PLEKHA7: variants seen among roughly 807,000 people sequenced by gnomAD.
The protein encoded by PLEKHA7 is pleckstrin homology domain-containing family A member 7.
In PLEKHA7, 104 loss-of-function variants were observed where a neutral mutation model predicts 170.0. That is an observed-to-expected ratio of 0.61 (90% CI 0.52 to 0.72). The LOEUF (loss-of-function observed/expected upper bound fraction) is 0.72, where lower values mean the gene tolerates loss of function less well. Ranked by LOEUF, PLEKHA7 falls within the 30% of genes least tolerant of loss-of-function variation. PLEKHA7 has a pLI of 0.00. For synonymous variants in PLEKHA7, 648 were observed against 660.8 expected (o/e 0.98, Z 0.30); for missense variants, 1,615 against 1,671.7 (o/e 0.97, Z 0.59).
chr11:16,970,229 GCAATTC>G (rs1038219711), intron 3 of PLEKHA7, among the ~76,000 whole-genome samples: 2 of 152,168 alleles, frequency 1.3e-5, no homozygotes, highest in Non-Finnish European at 2.9e-5. Flanking sequence ...CTGGATTAAA[GCAATTC>G]CCTTTCTCAC....
intron 13 of PLEKHA7, among the ~76,000 whole-genome samples, chr11:16,806,219 T>C (rs1348195292): frequency 1.3e-5 from 2 of 152,254 alleles, no homozygotes; most frequent in African/African-American, 4.8e-5. Flanking sequence ...GAGCATGGGC[T>C]TGATGAGAGC....
intron 13 of PLEKHA7, among the ~76,000 whole-genome samples, chr11:16,804,500 C>T (rs2134443143): frequency 6.6e-6 from 1 of 152,346 alleles, no homozygotes; most frequent in South Asian, 2.1e-4. Flanking sequence ...TCCCTGCAAA[C>T]TGTCATGAGC....
Position 16,794,715 on chromosome 11 carries a change from C to T in PLEKHA7, c.2519-1G>A. On this transcript the variant is annotated splice_acceptor_variant, in intron 18 of 26. Transcript: ENST00000531066. LOFTEE classifies it high-confidence loss of function. Reference sequence around the variant, plus strand: ...GGAAACAAAGGCACCGTTTTTCTCTCTAAGGGGCATAGAAGGAAACAAAGC... The same window carrying T: ...GGAAACAAAGGCACCGTTTTTCTCTTTAAGGGGCATAGAAGGAAACAAAGC... 6.2e-7 allele frequency: 1 copy of T among 1,613,676 alleles called. No homozygotes were observed. Among genetic ancestry groups the T allele is most frequent in the Non-Finnish European group, 8.5e-7 (1 of 1,179,728 alleles).
chr11:16,934,034 A>C (rs1175441973), intron 3 of PLEKHA7, among the ~76,000 whole-genome samples: 1 of 152,204 alleles, frequency 6.6e-6, no homozygotes, highest in African/African-American at 2.4e-5. Context: ...AGGCCTCCAG[A>C]AAGCAACAGG....
intron 3 of PLEKHA7, among the ~76,000 whole-genome samples, chr11:16,950,878 C>G (rs1861367812): frequency 6.6e-6 from 1 of 152,156 alleles, no homozygotes; most frequent in Non-Finnish European, 1.5e-5. Flanking sequence ...CATGTTTCCC[C>G]AGCTACATCT....
intron 3 of PLEKHA7, among the ~76,000 whole-genome samples, chr11:16,873,267 A>T (rs962746648): frequency 1.3e-5 from 2 of 152,208 alleles, no homozygotes; most frequent in African/African-American, 2.4e-5. Flanking sequence ...AGGCCTACAA[A>T]GTCTTTTTTT....
At chr11:16,977,450 C>T (rs1398793336) in intron 3 of PLEKHA7, among the ~76,000 whole-genome samples, 1 of 152,190 alleles carries the variant, frequency 6.6e-6, no homozygotes, top group African/African-American at 2.4e-5. Context: ...ACTTCCTCTA[C>T]CTCTTGTTTT....
At chr11:16,927,988 G>C (rs189161260) in intron 3 of PLEKHA7, among the ~76,000 whole-genome samples, 1 of 152,098 alleles carries the variant, frequency 6.6e-6, no homozygotes, top group African/African-American at 2.4e-5. Flanking sequence ...TGTGTGGAGG[G>C]GGAAGGGGGG....
At chr11:16,832,218 G>A (rs1851174080) in intron 9 of PLEKHA7, among the ~76,000 whole-genome samples, 1 of 152,174 alleles carries the variant, frequency 6.6e-6, no homozygotes, top group Non-Finnish European at 1.5e-5. Context: ...ACTAACCCTG[G>A]ATTCCTGCTA....
intron 13 of PLEKHA7, chr11:16,812,489 C>G (rs1464499933): frequency 6.6e-6 from 1 of 152,262 alleles, no homozygotes; most frequent in Non-Finnish European, 1.5e-5. Context: ...ACAGTAGGAG[C>G]TTTCAGAGGA....
At chr11:16,977,344 A>C (rs1369826213) in intron 3 of PLEKHA7, among the ~76,000 whole-genome samples, 1 of 152,062 alleles carries the variant, frequency 6.6e-6, no homozygotes, top group African/African-American at 2.4e-5. Context: ...CCCCCACTTC[A>C]GCCCAGACCT....
At chr11:16,939,529 T>A (rs2136392993) in intron 3 of PLEKHA7, among the ~76,000 whole-genome samples, 1 of 152,318 alleles carries the variant, frequency 6.6e-6, no homozygotes, top group South Asian at 2.1e-4. Flanking sequence ...ACGTATTTAG[T>A]TTTTATTGAG....
intron 3 of PLEKHA7, among the ~76,000 whole-genome samples, chr11:16,889,984 T>C (rs72864081): frequency 0.086 from 13,067 of 152,216 alleles, 776 homozygotes; most frequent in Non-Finnish European, 0.13. Context: ...CCAGAAAAGT[T>C]TGGGGTTCTA....
intron 13 of PLEKHA7, among the ~76,000 whole-genome samples, chr11:16,805,520 G>A (rs551334602): frequency 2.9e-4 from 44 of 151,834 alleles, no homozygotes; most frequent in Non-Finnish European, 1.9e-4. Context: ...TGCCAGGCAC[G>A]GTGGCTCACA....
chr11:16,795,658 G>A (rs531898976), intron 17 of PLEKHA7, among the ~76,000 whole-genome samples: 13 of 151,594 alleles, frequency 8.6e-5, no homozygotes, highest in African/African-American at 3.1e-4. Flanking sequence ...GCATGGTGGT[G>A]TGCGCCTGTA....
At chr11:16,925,935 G>A (rs1452375384) in intron 3 of PLEKHA7, among the ~76,000 whole-genome samples, 1 of 152,236 alleles carries the variant, frequency 6.6e-6, no homozygotes, top group Non-Finnish European at 1.5e-5. Context: ...AAAGGGCGGA[G>A]GGGCAGGACC....
At chr11:16,937,413 T>C (rs1382694928) in intron 3 of PLEKHA7, among the ~76,000 whole-genome samples, 1 of 152,134 alleles carries the variant, frequency 6.6e-6, no homozygotes, top group Admixed American at 6.6e-5. Context: ...ACATCTATGA[T>C]AAACACTACA....
At chr11:16,822,675 T>C (rs566641154) in intron 10 of PLEKHA7, among the ~76,000 whole-genome samples, 41 of 152,264 alleles carry the variant, frequency 2.7e-4, no homozygotes, top group African/African-American at 8.9e-4. Context: ...ACTTAGCTTT[T>C]GCCTGACCCT....
At chr11:16,835,632 TG>T (rs1554942349) in intron 9 of PLEKHA7, among the ~76,000 whole-genome samples, 1 of 152,196 alleles carries the variant, frequency 6.6e-6, no homozygotes, top group Non-Finnish European at 1.5e-5. Context: ...TTGATACATT[TG>T]TTTAATTTAA....
Sources: allele counts gnomAD v4.1 joint callset (sites outside exome capture counted in the v4.1 genomes callset), GRCh38; gene constraint gnomAD v4.1.1; transcripts MANE v1.5; gene names NCBI Gene and HGNC (gene_info 2026-07-23, HGNC 2026-07-21).